The following GAS6 variants were observed in gnomAD, a reference collection of about 807,000 sequenced individuals.
GAS6 encodes the protein growth arrest-specific protein 6.
In GAS6, 41 loss-of-function variants were observed where a neutral mutation model predicts 75.8. The observed-to-expected ratio is 0.54, with a 90% CI of 0.42 to 0.70. The LOEUF is 0.70. Ranked by LOEUF, GAS6 falls within the 30% of genes least tolerant of loss-of-function variation. GAS6 has a pLI of 0.00. For synonymous variants in GAS6, 432 were observed against 412.6 expected (o/e 1.05, Z -0.57); for missense variants, 854 against 940.2 (o/e 0.91, Z 1.20).
chr13:113,830,784 C>G (rs12184625), intron 10 of GAS6, among the ~76,000 whole-genome samples: 2 of 118,880 alleles, frequency 1.7e-5, no homozygotes, highest in Admixed American at 8.7e-5. Flanking sequence ...GGCCCCTCCT[C>G]CCCATGGCTC....
At chr13:113,842,529 C>T (rs939177477) in intron 4 of GAS6, 1 of 396,638 alleles carries the variant, frequency 2.5e-6, no homozygotes, top group Non-Finnish European at 4.4e-6. Flanking sequence ...CGTCTGGAGA[C>T]GTCGATGTGG....
rs1051844835 is a variant in GAS6, at chr13:113,848,791, C to T, written c.256-741G>A. 1.6e-4 allele frequency among the ~76,000 whole-genome samples: 24 copies of T among 152,250 alleles called. No homozygotes were observed. The highest frequency in any genetic ancestry group is 5.8e-4 in the African/African-American group (24 of 41,506). The stretch of plus-strand genomic sequence containing the variant: ...CCTCTCCATGCTGGGTATGAGTCAG[C>T]ATTTTTACACTATTTTATGAAATCC... On this transcript the variant is annotated intron_variant, in intron 2 of 14. Coordinates refer to ENST00000327773, the MANE Select transcript of GAS6 (RefSeq NM_000820.4). This position sits in a 1 kb window ranked among gnomAD's most constrained non-coding sequence, Gnocchi z 4.8.
chr13:113,843,811 T>C (rs900583799), intron 4 of GAS6: 3 of 150,910 alleles, frequency 2.0e-5, no homozygotes, highest in African/African-American at 7.5e-5. Context: ...TATGGGGCTA[T>C]GGCTTTAATT....
intron 12 of GAS6, among the ~76,000 whole-genome samples, chr13:113,824,508 TAAG>T (rs935193164): frequency 6.6e-6 from 1 of 152,152 alleles, no homozygotes; most frequent in Non-Finnish European, 1.5e-5. Context: ...CTCCGTGGAC[TAAG>T]AAGCCAGAAG....
intron 4 of GAS6, chr13:113,843,603 G>A (rs1316971229): frequency 6.6e-6 from 1 of 151,356 alleles, no homozygotes; most frequent in Non-Finnish European, 1.5e-5. Flanking sequence ...TCGCAGTGGA[G>A]AAGCTGGGTG....
intron 13 of GAS6, chr13:113,823,150 G>C (rs901025459): frequency 4.2e-6 from 2 of 472,178 alleles, no homozygotes. Context: ...AGTGTGGCTC[G>C]CAGGCGCCGG....
intron 2 of GAS6, among the ~76,000 whole-genome samples, chr13:113,849,015 C>T (rs1473899923): frequency 6.6e-6 from 1 of 152,196 alleles, no homozygotes; most frequent in Non-Finnish European, 1.5e-5. Context: ...TGCGCTGGCT[C>T]TGCATGGCCT....
intron 3 of GAS6, chr13:113,847,097 G>A (rs1277372163): frequency 2.0e-5 from 9 of 454,100 alleles, no homozygotes; most frequent in African/African-American, 1.0e-4. Context: ...GGGATAACCC[G>A]AAGCGTGAGG....
chr13:113,862,323 C>T (rs1051733394), intron 2 of GAS6, among the ~76,000 whole-genome samples: 2 of 152,218 alleles, frequency 1.3e-5, no homozygotes, highest in Non-Finnish European at 2.9e-5. Context: ...GCCACAGTCC[C>T]TGTGCACGCA....
rs747970641 is a variant in GAS6 at position 113,827,017 on chromosome 13, C to T, written c.1456G>A (p.Ala486Thr). ...TTACTGTAGTCCAGGCTGTAGAAGG[C>T]GAAGCCGCTCCCGGGGTAGAAAGAG... ...RGSFYPGSGF[A>T]FYSLDYMRTP... The change falls in exon 12 of 15, where the codon GCC becomes ACC. Residue 486 changes from alanine to threonine, a missense_variant. Physicochemically the swap from Ala to Thr is moderately conservative, Grantham distance 58. Coordinates refer to ENST00000327773, the MANE Select transcript of GAS6 (RefSeq NM_000820.4). 15 of 1,613,134 alleles carry T rather than the reference C, an allele frequency of 9.3e-6. 1 individual carries two copies. Among genetic ancestry groups the T allele is most frequent in the South Asian group, 6.6e-5 (6 of 91,074 alleles).
intron 11 of GAS6, among the ~76,000 whole-genome samples, chr13:113,827,653 G>A (rs188135360): frequency 3.3e-5 from 5 of 151,986 alleles, no homozygotes; most frequent in Admixed American, 6.6e-5. Flanking sequence ...TGGGGAGCAG[G>A]TGCCCCTCAC....
At chr13:113,835,741 C>G (rs1444462175) in intron 6 of GAS6, 106 bp from the exon 7 acceptor site, 70 of 1,509,338 alleles carry the variant, frequency 4.6e-5, no homozygotes, top group Non-Finnish European at 7.9e-6. Context: ...AGGTCGCATC[C>G]AGACTCTGTG....
chr13:113,832,777 G>A, intron 8 of GAS6, 25 bp from the exon 9 acceptor site: 1 of 1,612,102 alleles, frequency 6.2e-7, no homozygotes, highest in South Asian at 1.1e-5. Flanking sequence ...GGCCACGCCG[G>A]TCGGGGATGT....
chr13:113,834,667 C>T lies in GAS6; in HGVS notation c.718G>A (p.Asp240Asn), dbSNP rs2138635462. Residue 240 changes from aspartate to asparagine, a missense_variant, in exon 8 of 15, where the codon GAC becomes AAC. Physicochemically the swap from Asp to Asn is conservative, Grantham distance 23. Coordinates refer to ENST00000327773, the MANE Select transcript of GAS6 (RefSeq NM_000820.4). ...TCACAGCGGCCCTGCAGACACTCGT[C>T]CACATCTGCCAGCCAGAGGGAAGCG... ...SSQEKACRDVDECLQGRCEQV... is the reference protein window; with the variant it reads ...SSQEKACRDVNECLQGRCEQV... 4 of 1,566,986 alleles carry T rather than the reference C, an allele frequency of 2.6e-6. No homozygotes were observed. The highest frequency in any genetic ancestry group is 2.3e-5 in the South Asian group (2 of 85,412).
Position 113,820,796 on chromosome 13 carries a change from A to T in GAS6, c.*68T>A. On this transcript the variant is annotated 3_prime_UTR_variant, in exon 15 of 15. Transcript: ENST00000327773. ...GCTCTCAGCATGGCCCCACGTGGTG[A>T]GGAGCCCCCAGGCTCCTCCCGGCTG... is the stretch of plus-strand genomic sequence containing the variant. 1.3e-6 allele frequency: 2 copies of T among 1,512,298 alleles called. No individual in the cohort carries two copies. The highest frequency in any genetic ancestry group is 1.8e-6 in the Non-Finnish European group (2 of 1,119,442). The allele number at this position is 1,512,298 out of a possible 1,614,324, so 93.7% of individuals were successfully genotyped here. A position where few individuals can be genotyped will look rare whatever the true frequency, so the allele number is the denominator to read the frequency against.
chr13:113,824,499 T>C (rs1261031380), intron 12 of GAS6, among the ~76,000 whole-genome samples: 2 of 152,150 alleles, frequency 1.3e-5, no homozygotes. Context: ...CGCTGAGCCC[T>C]CCGTGGACTA....
In GAS6 at chr13:113,828,635, C is replaced by T. The variant is rs747761635; in HGVS notation, c.1220G>A (p.Gly407Glu). 1.2e-6 allele frequency: 2 copies of T among 1,613,596 alleles called. No individual in the cohort carries two copies. The highest frequency in any genetic ancestry group is 1.3e-5 in the African/African-American group (1 of 75,044). ...TCCTCGCTCCGGTTGGAACAAGTCC[C>T]CGGCCACCGCGATTTTCATGACAGC... ...RDAVMKIAVA[G>E]DLFQPERGLY... Residue 407 changes from glycine (G) to glutamate (E), a missense_variant, in exon 11 of 15, where the codon GGG becomes GAG. Physicochemically the swap from Gly to Glu is moderately conservative, Grantham distance 98. Transcript: ENST00000327773.
At chr13:113,834,181 C>CTGTGATAGGCCCCGGTGTGACAGGTCGG (rs2051669515) in intron 8 of GAS6, among the ~76,000 whole-genome samples, 1 of 131,336 alleles carries the variant, frequency 7.6e-6, no homozygotes, top group Non-Finnish European at 1.6e-5. Flanking sequence ...GTAGGTCATG[C>CTGTGATAGGCCCCGGTGTGACAGGTCGG]TGTGACAGGC....
In GAS6 at chr13:113,842,452, A is replaced by G. The variant is rs1048792274; in HGVS notation, c.344-2602T>C. On this transcript the variant is annotated intron_variant, in intron 4 of 14. Transcript: ENST00000327773. ...ATTCTGCATCAGCACAGCCGCCAGG[A>G]GCCGGCCGGGGCCCCATCCCTGACA... 3.8e-5 allele frequency: 15 copies of G among 395,384 alleles called. 2 individuals carry two copies. Among genetic ancestry groups the G allele is most frequent in the African/African-American group, 3.2e-4 (15 of 47,032 alleles). 24.5% of individuals were successfully genotyped at this position (395,384 alleles called of 1,614,324 possible). A position where few individuals can be genotyped will look rare whatever the true frequency, so the allele number is the denominator to read the frequency against.
Sources: gnomAD v4.1 joint callset for allele counts (sites outside exome capture counted in the v4.1 genomes callset) on GRCh38, gnomAD v4.1.1 for gene constraint, Gnocchi (gnomAD v3.1) non-coding constraint, MANE v1.5 for transcripts, NCBI Gene and HGNC (gene_info 2026-07-23, HGNC 2026-07-21) for gene names.